TENM3: variants seen among roughly 807,000 people sequenced by gnomAD.
TENM3 encodes teneurin transmembrane protein 3.
TENM3 carries 63 observed loss-of-function variants against 255.1 expected under a neutral mutation model. The observed-to-expected ratio is 0.25, with a 90% CI of 0.20 to 0.30. The LOEUF (loss-of-function observed/expected upper bound fraction) is 0.30, where lower values mean the gene tolerates loss of function less well. Ranked by LOEUF, TENM3 falls within the 10% of genes least tolerant of loss-of-function variation. The pLI is 1.00. For missense variants in TENM3, 2,929 were observed against 3,461.1 expected (o/e 0.85, Z 3.86); for synonymous variants, 1,306 against 1,322.3 (o/e 0.99, Z 0.27).
chr4:182,247,639 A>G (rs1757741994), intron 1 of TENM3, among the ~76,000 whole-genome samples: 1 of 152,192 alleles, frequency 6.6e-6, no homozygotes, highest in South Asian at 2.1e-4. Context: ...TCTGGCAAGT[A>G]CCTGCGGGTG....
At chr4:182,307,971 C>T (rs1340965762) in intron 1 of TENM3, among the ~76,000 whole-genome samples, 1 of 152,208 alleles carries the variant, frequency 6.6e-6, no homozygotes, top group Non-Finnish European at 1.5e-5. Flanking sequence ...CTTTTGTGGT[C>T]AGGAAGAGCT....
the TENM3 span, among the ~76,000 whole-genome samples, chr4:181,538,754 G>A: frequency 5.3e-5 from 8 of 152,254 alleles, no homozygotes; most frequent in Admixed American, 2.0e-4. Context: ...TGAAGTGTTC[G>A]TTTTCTTCTT....
chr4:181,586,305 C>T, the TENM3 span, among the ~76,000 whole-genome samples: 1 of 152,148 alleles, frequency 6.6e-6, no homozygotes, highest in Admixed American at 6.5e-5. Flanking sequence ...CTTCAGAGAC[C>T]TGAGGAAATC....
the TENM3 span, among the ~76,000 whole-genome samples, chr4:181,857,499 G>C: frequency 1.5e-5 from 2 of 136,908 alleles, no homozygotes; most frequent in African/African-American, 5.9e-5. Context: ...AGAATCACTT[G>C]AAGTCAGGAG....
rs763703508 is a variant in TENM3, at chr4:182,789,424, G to A, written c.5601+35G>A. On this transcript the variant is annotated intron_variant, in intron 25 of 27. Coordinates refer to ENST00000511685, the MANE Select transcript of TENM3 (RefSeq NM_001080477.4). This position sits in a 1 kb window ranked among gnomAD's most constrained non-coding sequence, Gnocchi z 4.4. ...CAAACTAAGCTCAACAATAGGGAAA[G>A]GATAATTCACATTTTTCAGCAATCA... 1.3e-6 allele frequency: 2 copies of A among 1,572,254 alleles called. No homozygotes were observed. Among genetic ancestry groups the A allele is most frequent in the East Asian group, 2.3e-5 (1 of 44,192 alleles).
chr4:181,582,669 C>CAAAAAAAAAAAAAAAAAAAA, the TENM3 span, among the ~76,000 whole-genome samples: 1 of 124,752 alleles, frequency 8.0e-6, no homozygotes, highest in East Asian at 2.3e-4. Flanking sequence ...CAAAACAAAT[C>CAAAAAAAAAAAAAAAAAAAA]AAAAAAAAAA....
rs1363611072 is a variant in TENM3 at position 182,802,283 on chromosome 4, A to AT, written c.*1938dup. 1 of 152,668 alleles carries AT rather than the reference A, an allele frequency of 6.6e-6. No homozygotes were observed. Among genetic ancestry groups the AT allele is most frequent in the Non-Finnish European group, 1.5e-5 (1 of 68,052 alleles). The allele number at this position is 152,668 out of a possible 1,614,324, so 9.5% of individuals were successfully genotyped here. On this transcript the variant is annotated 3_prime_UTR_variant, in exon 28 of 28. Transcript: ENST00000511685. ...AATGAAAGCACAGATTAGCATTAAT[A>AT]TTTTTTATTCTGGAAATCCTTTGGC...
chr4:182,234,972 G>C (rs970777981), intron 1 of TENM3, among the ~76,000 whole-genome samples: 8 of 152,090 alleles, frequency 5.3e-5, no homozygotes, highest in African/African-American at 1.9e-4. Context: ...AAACAGGCCT[G>C]GGAAGGACAT....
chr4:182,246,300 C>G, intron 1 of TENM3, among the ~76,000 whole-genome samples: 1 of 152,132 alleles, frequency 6.6e-6, no homozygotes. Context: ...GGAAGCAACA[C>G]AGAGAGAAAA....
chr4:182,721,415 A>G (rs1759723646), intron 13 of TENM3, among the ~76,000 whole-genome samples: 1 of 152,142 alleles, frequency 6.6e-6, no homozygotes, highest in African/African-American at 2.4e-5. Flanking sequence ...ACATAGGCCC[A>G]TCTCATTCTT....
chr4:181,721,371 C>G, the TENM3 span, among the ~76,000 whole-genome samples: 3 of 151,612 alleles, frequency 2.0e-5, no homozygotes, highest in African/African-American at 7.3e-5. Flanking sequence ...GGAATGCTCA[C>G]TCTGGCAGTC....
At chr4:181,794,048 A>G in the TENM3 span, among the ~76,000 whole-genome samples, 1 of 152,222 alleles carries the variant, frequency 6.6e-6, no homozygotes, top group East Asian at 1.9e-4. Context: ...CATCAAAAAC[A>G]AGCTTCGCAA....
intron 3 of TENM3, among the ~76,000 whole-genome samples, chr4:182,355,187 A>C (rs1311462200): frequency 6.6e-6 from 1 of 152,172 alleles, no homozygotes; most frequent in Non-Finnish European, 1.5e-5. Context: ...CAGAGGCTTA[A>C]AGGATGTGGA....
chr4:182,781,617 T>C (rs1182843500), intron 24 of TENM3, among the ~76,000 whole-genome samples: 2 of 151,584 alleles, frequency 1.3e-5, no homozygotes, highest in Non-Finnish European at 2.9e-5. Flanking sequence ...TGGAATAGTT[T>C]CAGAAGGAAT....
At chr4:182,278,665 C>CA (rs532591080) in intron 1 of TENM3, among the ~76,000 whole-genome samples, 1,542 of 93,022 alleles carry the variant, frequency 0.017, 14 homozygotes, top group Middle Eastern at 0.045. Context: ...CCCCAGTGTG[C>CA]AAAAAAAAAA....
intron 4 of TENM3, among the ~76,000 whole-genome samples, chr4:182,606,289 C>T (rs968820263): frequency 4.6e-5 from 7 of 152,042 alleles, no homozygotes; most frequent in African/African-American, 1.2e-4. Flanking sequence ...TTTGGGAGGC[C>T]GAGGCGGGTG....
At chr4:182,030,324 A>G in the TENM3 span, among the ~76,000 whole-genome samples, 1,390 of 152,092 alleles carry the variant, frequency 9.1e-3, 23 homozygotes, top group African/African-American at 0.032. Flanking sequence ...ATAAGTGAGA[A>G]CATGCAGTGT....
the TENM3 span, among the ~76,000 whole-genome samples, chr4:181,604,268 A>G: frequency 6.6e-6 from 1 of 152,122 alleles, no homozygotes; most frequent in Admixed American, 6.5e-5. Context: ...CCGTCTAAAA[A>G]AAAGAAAAGA....
the TENM3 span, among the ~76,000 whole-genome samples, chr4:181,615,840 A>C: frequency 2.0e-5 from 3 of 152,198 alleles, no homozygotes; most frequent in Admixed American, 6.5e-5. Flanking sequence ...ATATTTTACC[A>C]TCTATTAGGA....
Sources: gnomAD v4.1 joint callset for allele counts (sites outside exome capture counted in the v4.1 genomes callset) on GRCh38, gnomAD v4.1.1 for gene constraint, Gnocchi (gnomAD v3.1) non-coding constraint, MANE v1.5 for transcripts, NCBI Gene and HGNC (gene_info 2026-07-23, HGNC 2026-07-21) for gene names.